Variants in MEGF11 observed in about 807,000 individuals in gnomAD.
MEGF11 encodes multiple EGF like domains 11, also known as multiple epidermal growth factor-like domains protein 11.
In MEGF11, 126 loss-of-function variants were observed where a neutral mutation model predicts 146.6. The observed-to-expected ratio is 0.86, with a 90% confidence interval of 0.74 to 1.00. The LOEUF is 1.00. Ranked by LOEUF, MEGF11 falls within the 50% of genes least tolerant of loss-of-function variation. MEGF11 has a pLI of 0.00. For missense variants in MEGF11, 1,509 were observed against 1,521.2 expected (o/e 0.99, Z 0.13); for synonymous variants, 532 against 583.4 (o/e 0.91, Z 1.27).
intron 5 of MEGF11, among the ~76,000 whole-genome samples, chr15:66,084,423 A>G (rs2086016053): frequency 1.3e-5 from 2 of 152,164 alleles, no homozygotes; most frequent in African/African-American, 4.8e-5. Context: ...GAGGAACCAC[A>G]GACCCTCTGA....
chr15:66,143,312 C>T (rs764652625), intron 1 of MEGF11, among the ~76,000 whole-genome samples: 16 of 152,194 alleles, frequency 1.1e-4, no homozygotes, highest in Non-Finnish European at 1.9e-4. Context: ...GAAAGGAGGC[C>T]CTGAGCAGCA....
chr15:65,911,696 C>A (rs1309633512), intron 21 of MEGF11, among the ~76,000 whole-genome samples: 1 of 152,186 alleles, frequency 6.6e-6, no homozygotes, highest in Non-Finnish European at 1.5e-5. Context: ...CAGGCGTGAG[C>A]CACTGTGCCC....
intron 1 of MEGF11, among the ~76,000 whole-genome samples, chr15:66,148,305 A>G (rs117933277): frequency 0.022 from 3,335 of 152,260 alleles, 62 homozygotes; most frequent in Non-Finnish European, 0.034. Flanking sequence ...AGACAATCCC[A>G]CTTAGGTGAG....
chr15:66,129,538 G>A (rs1319020251), intron 1 of MEGF11, among the ~76,000 whole-genome samples: 1 of 152,210 alleles, frequency 6.6e-6, no homozygotes, highest in Non-Finnish European at 1.5e-5. Context: ...AACTGGGGGT[G>A]GGGGTGTCAT....
At chr15:66,173,970 T>C (rs989006614) in intron 1 of MEGF11, among the ~76,000 whole-genome samples, 1 of 152,190 alleles carries the variant, frequency 6.6e-6, no homozygotes, top group African/African-American at 2.4e-5. Context: ...CCTTCCTCTA[T>C]AGCCTGAGAC....
In MEGF11 at chr15:66,018,638, C is replaced by T. The variant is rs138837859; in HGVS notation, c.395-36150G>A. ...TGGTGAGCGCATGTGTGAGTGTGTG[C>T]GAGCGGGTGCCTGCCTATGCGTGGG... is the stretch of plus-strand genomic sequence containing the variant. On this transcript the variant is annotated intron_variant, in intron 5 of 25. Coordinates refer to ENST00000395614, the MANE Select transcript of MEGF11 (RefSeq NM_001385028.1). Among the ~76,000 whole-genome samples the T allele has an allele frequency of 4.4e-3, 669 of 151,948 alleles. 8 individuals are homozygous for T. Among genetic ancestry groups the T allele is most frequent in the African/African-American group, 0.015 (623 of 41,454 alleles).
chr15:66,190,645 C>A (rs2090843926), intron 1 of MEGF11, among the ~76,000 whole-genome samples: 1 of 152,118 alleles, frequency 6.6e-6, no homozygotes, highest in Non-Finnish European at 1.5e-5. Flanking sequence ...GATCCTTGCC[C>A]ACCTGAGACC....
At chr15:65,939,189 G>A (rs1443524134) in intron 10 of MEGF11, among the ~76,000 whole-genome samples, 2 of 152,246 alleles carry the variant, frequency 1.3e-5, no homozygotes, top group Admixed American at 1.3e-4. Context: ...CTGCCAGCCT[G>A]TGGGAGCTCA....
intron 1 of MEGF11, among the ~76,000 whole-genome samples, chr15:66,175,657 C>T: frequency 6.6e-6 from 1 of 152,130 alleles, no homozygotes; most frequent in Non-Finnish European, 1.5e-5. Flanking sequence ...TCTCATCATA[C>T]AGAAAAATCA....
chr15:66,085,220 G>C (rs546628156), intron 5 of MEGF11, among the ~76,000 whole-genome samples: 5 of 152,254 alleles, frequency 3.3e-5, no homozygotes, highest in Non-Finnish European at 7.4e-5. Flanking sequence ...CCCACCCCCA[G>C]CTGATGGTCC....
chr15:66,035,092 T>A (rs2083678498), intron 5 of MEGF11, among the ~76,000 whole-genome samples: 3 of 152,188 alleles, frequency 2.0e-5, no homozygotes, highest in Admixed American at 6.5e-5. Context: ...GGCATTCTGT[T>A]ATAGCAACAG....
chr15:66,152,935 C>T (rs7169464), intron 1 of MEGF11, among the ~76,000 whole-genome samples: 4,305 of 152,314 alleles, frequency 0.028, 208 homozygotes, highest in African/African-American at 0.095. Flanking sequence ...CCCTCCTGGG[C>T]CTTGTGTGTA....
intron 4 of MEGF11, among the ~76,000 whole-genome samples, chr15:66,109,915 G>A (rs28614079): frequency 0.015 from 2,320 of 152,310 alleles, 49 homozygotes; most frequent in African/African-American, 0.052. Flanking sequence ...CCTGGGGAAA[G>A]CCTCGCAGAG....
chr15:65,992,449 G>GGC (rs1567193565), intron 5 of MEGF11, among the ~76,000 whole-genome samples: 13 of 38,322 alleles, frequency 3.4e-4, no homozygotes, highest in Admixed American at 1.9e-3. Flanking sequence ...GTGTGTGTGT[G>GGC]TGGGGGGGGG....
chr15:66,083,012 G>A (rs1023319303), intron 5 of MEGF11, among the ~76,000 whole-genome samples: 3 of 152,152 alleles, frequency 2.0e-5, no homozygotes, highest in Non-Finnish European at 4.4e-5. Flanking sequence ...TGCCCCCTAT[G>A]TCCTGGGCTA....
At chr15:65,953,830 G>T (rs1373160843) in intron 10 of MEGF11, among the ~76,000 whole-genome samples, 1 of 152,102 alleles carries the variant, frequency 6.6e-6, no homozygotes, top group African/African-American at 2.4e-5. Context: ...CGTGACTAGG[G>T]CAGGCATGCC....
chr15:66,112,127 G>C (rs547873764), intron 4 of MEGF11, among the ~76,000 whole-genome samples: 67 of 151,408 alleles, frequency 4.4e-4, no homozygotes, highest in Non-Finnish European at 7.5e-4. Flanking sequence ...TGCCATAATG[G>C]AGAATCAGCA....
chr15:65,907,266 CAAGTTTTTCTTTT>C (rs1306894929), intron 23 of MEGF11, among the ~76,000 whole-genome samples: 1 of 152,012 alleles, frequency 6.6e-6, no homozygotes, highest in Non-Finnish European at 1.5e-5. Flanking sequence ...GAACCAGGCC[CAAGTTTTTCTTTT>C]AAGTTTGCTA....
intron 5 of MEGF11, among the ~76,000 whole-genome samples, chr15:65,983,184 C>T (rs1263584850): frequency 6.6e-6 from 1 of 152,162 alleles, no homozygotes; most frequent in Non-Finnish European, 1.5e-5. Context: ...AGTTTCATTA[C>T]TTTCCAAGCA....
Sources: allele counts gnomAD v4.1 joint callset (sites outside exome capture counted in the v4.1 genomes callset), GRCh38; gene constraint gnomAD v4.1.1; transcripts MANE v1.5; gene names NCBI Gene and HGNC (gene_info 2026-07-23, HGNC 2026-07-21).